Variants in TMCO5A observed in about 807,000 individuals in gnomAD.
TMCO5A encodes the protein transmembrane and coiled-coil domains 5A.
In TMCO5A, 34 loss-of-function variants were observed where a neutral mutation model predicts 42.3. That is an observed-to-expected ratio of 0.80 (90% CI 0.61 to 1.07). The LOEUF (loss-of-function observed/expected upper bound fraction) is 1.07, where lower values mean the gene tolerates loss of function less well. Ranked by LOEUF, TMCO5A falls within the 50% of genes least tolerant of loss-of-function variation. The pLI is 0.00. For synonymous variants in TMCO5A, 131 were observed against 115.6 expected, an observed-to-expected ratio of 1.13 and a Z score of -0.86; for missense variants, 357 against 327.9, an observed-to-expected ratio of 1.09 and a Z score of -0.69.
the TMCO5A span, among the ~76,000 whole-genome samples, chr15:38,029,343 C>T: frequency 1.3e-5 from 1 of 75,620 alleles, no homozygotes; most frequent in Non-Finnish European, 3.3e-5. Flanking sequence ...CACATGTTCA[C>T]ACAAACATGT....
the TMCO5A span, among the ~76,000 whole-genome samples, chr15:38,009,513 G>T: frequency 1.3e-5 from 2 of 152,184 alleles, no homozygotes; most frequent in African/African-American, 2.4e-5. Context: ...CAGTTCAAGT[G>T]CCTCTCCTTA....
At chr15:37,973,345 T>G in the TMCO5A span, among the ~76,000 whole-genome samples, 20 of 152,306 alleles carry the variant, frequency 1.3e-4, no homozygotes, top group African/African-American at 4.3e-4. Flanking sequence ...ATTGACAGTT[T>G]ATAGGAATAG....
the TMCO5A span, among the ~76,000 whole-genome samples, chr15:38,014,288 T>C: frequency 2.6e-5 from 4 of 152,178 alleles, no homozygotes; most frequent in African/African-American, 9.7e-5. Context: ...CTAGTTTTGC[T>C]TCGTGTACAT....
intron 2 of TMCO5A, among the ~76,000 whole-genome samples, chr15:37,935,842 G>T (rs1332954636): frequency 6.6e-6 from 1 of 152,138 alleles, no homozygotes; most frequent in African/African-American, 2.4e-5. Flanking sequence ...GGAAGGGAAA[G>T]ATTGAAGCCC....
At chr15:38,039,453 T>G in the TMCO5A span, among the ~76,000 whole-genome samples, 2 of 152,224 alleles carry the variant, frequency 1.3e-5, no homozygotes, top group Admixed American at 1.3e-4. Flanking sequence ...TAGCTCTCAT[T>G]ACATAAGTTA....
At chr15:38,010,425 T>A in the TMCO5A span, among the ~76,000 whole-genome samples, 11 of 117,466 alleles carry the variant, frequency 9.4e-5, no homozygotes, top group African/African-American at 1.3e-4. Flanking sequence ...CAGAGGGAGA[T>A]CACACACACA....
the TMCO5A span, among the ~76,000 whole-genome samples, chr15:37,996,515 C>A: frequency 6.6e-6 from 1 of 152,180 alleles, no homozygotes; most frequent in African/African-American, 2.4e-5. Context: ...GAATTTAGAT[C>A]TTTCACTTAA....
chr15:38,009,052 TG>T, the TMCO5A span, among the ~76,000 whole-genome samples: 1 of 152,188 alleles, frequency 6.6e-6, no homozygotes, highest in African/African-American at 2.4e-5. Context: ...GAAGTTTCTG[TG>T]TGATCTGAAT....
intron 11 of TMCO5A, among the ~76,000 whole-genome samples, chr15:37,965,986 C>G (rs1237721622): frequency 6.6e-6 from 1 of 151,990 alleles, no homozygotes; most frequent in Non-Finnish European, 1.5e-5. Context: ...TCACAATAGC[C>G]AAAATTTGGA....
At chr15:38,037,180 C>A in the TMCO5A span, among the ~76,000 whole-genome samples, 1 of 152,166 alleles carries the variant, frequency 6.6e-6, no homozygotes, top group African/African-American at 2.4e-5. Context: ...ACAGACTGAA[C>A]TGCAATAGGT....
the TMCO5A span, among the ~76,000 whole-genome samples, chr15:38,013,047 A>C: frequency 6.6e-6 from 1 of 152,140 alleles, no homozygotes; most frequent in African/African-American, 2.4e-5. Flanking sequence ...GTTGGTCCAT[A>C]GTCTGCAGGC....
At chr15:37,957,762 A>C (rs139711383) in intron 11 of TMCO5A, among the ~76,000 whole-genome samples, 53 of 152,290 alleles carry the variant, frequency 3.5e-4, no homozygotes, top group Admixed American at 3.3e-3. Context: ...TATGGAACCA[A>C]AAAAGAGCCC....
At chr15:37,954,067 T>C (rs1890227341), downstream of TMCO5A, among the ~76,000 whole-genome samples, 1 of 152,016 alleles carries the variant, frequency 6.6e-6, no homozygotes, top group Non-Finnish European at 1.5e-5. Context: ...CTACAGGATC[T>C]AGAAAGTAAC....
intron 7 of TMCO5A, 139 bp from the exon 8 acceptor site, chr15:37,941,532 C>T (rs1889739921): frequency 1.4e-6 from 1 of 712,278 alleles, no homozygotes; most frequent in Non-Finnish European, 2.4e-6. Flanking sequence ...ATACATTTAT[C>T]TGTACAGCAA....
At chr15:38,029,350 ATG>A in the TMCO5A span, among the ~76,000 whole-genome samples, 2 of 13,446 alleles carry the variant, frequency 1.5e-4, no homozygotes, top group East Asian at 0.17. Context: ...TCACACAAAC[ATG>A]TGTGCATGAA....
At chr15:38,021,068 AC>A in the TMCO5A span, among the ~76,000 whole-genome samples, 1 of 152,216 alleles carries the variant, frequency 6.6e-6, no homozygotes, top group Non-Finnish European at 1.5e-5. Flanking sequence ...TAAACAAAAA[AC>A]AATGGATACT....
At chr15:37,981,353 T>A in the TMCO5A span, among the ~76,000 whole-genome samples, 6 of 152,256 alleles carry the variant, frequency 3.9e-5, no homozygotes, top group East Asian at 1.2e-3. Flanking sequence ...GAGAGAAAGA[T>A]TCCTCGCCAG....
At chr15:37,982,616 ATATT>A in the TMCO5A span, among the ~76,000 whole-genome samples, 1,574 of 89,348 alleles carry the variant, frequency 0.018, 31 homozygotes, top group African/African-American at 0.1. Context: ...ATATAATTAT[ATATT>A]ATATCTAACA....
chr15:38,010,321 G>A, the TMCO5A span, among the ~76,000 whole-genome samples: 1 of 145,870 alleles, frequency 6.9e-6, no homozygotes, highest in Admixed American at 7.1e-5. Flanking sequence ...GCTTGGGTGA[G>A]CTGAGATCGC....
Sources: allele counts gnomAD v4.1 joint callset (sites outside exome capture counted in the v4.1 genomes callset), GRCh38; gene constraint gnomAD v4.1.1; transcripts MANE v1.5; gene names NCBI Gene and HGNC (gene_info 2026-07-23, HGNC 2026-07-21).